Variants in PDZRN3 observed in about 807,000 individuals in gnomAD.
The protein encoded by PDZRN3 is E3 ubiquitin-protein ligase PDZRN3.
In PDZRN3, 38 loss-of-function variants were observed where a neutral mutation model predicts 85.7. The ratio of observed to expected loss-of-function variants is 0.44; its 90% confidence interval spans 0.34 to 0.58. The LOEUF is 0.58. PDZRN3 is among the 20% of genes least tolerant of loss of function. PDZRN3 has a pLI of 0.01. For synonymous variants in PDZRN3, 759 were observed against 638.0 expected, an observed-to-expected ratio of 1.19 and a Z score of -2.86; for missense variants, 1,629 against 1,506.4, an observed-to-expected ratio of 1.08 and a Z score of -1.35.
chr3:73,622,815 T>C (rs1702888572), intron 1 of PDZRN3, among the ~76,000 whole-genome samples: 1 of 152,198 alleles, frequency 6.6e-6, no homozygotes, highest in African/African-American at 2.4e-5. Context: ...ACATAGGTAA[T>C]GCATGTAAAG....
intron 3 of PDZRN3, among the ~76,000 whole-genome samples, chr3:73,486,954 A>G (rs1250173977): frequency 6.6e-6 from 1 of 152,202 alleles, no homozygotes; most frequent in Non-Finnish European, 1.5e-5. Flanking sequence ...TCTAGTTAAA[A>G]TGTCTTTTTG....
chr3:73,547,195 G>A (rs1320531222), intron 3 of PDZRN3, among the ~76,000 whole-genome samples: 5 of 152,298 alleles, frequency 3.3e-5, no homozygotes, highest in South Asian at 2.1e-4. Context: ...CTCCCTAGCC[G>A]AACTCTGGAA....
intron 3 of PDZRN3, among the ~76,000 whole-genome samples, chr3:73,484,416 A>C (rs1299099983): frequency 6.6e-6 from 1 of 151,900 alleles, no homozygotes; most frequent in African/African-American, 2.4e-5. Context: ...TTTCCAATGG[A>C]GGGGGGTGGT....
rs182602664 is a variant in PDZRN3 at position 73,533,687 on chromosome 3, G to T, written c.918+68667C>A. Among the ~76,000 whole-genome samples, 7 of 152,268 alleles carry T rather than the reference G, an allele frequency of 4.6e-5. No homozygotes were observed. The East Asian group carries it at 1.4e-3, about 29-fold the overall frequency. ...GAAGTCATCAGTTGCCCCTGCATTT[G>T]AAGTGGGAGGGTCTTACAAGGTGTA... On this transcript the variant is annotated intron_variant, in intron 3 of 9. Transcript: ENST00000263666.
chr3:73,596,426 T>G (rs2106887643), intron 3 of PDZRN3, among the ~76,000 whole-genome samples: 1 of 152,206 alleles, frequency 6.6e-6, no homozygotes, highest in Non-Finnish European at 1.5e-5. Flanking sequence ...TTACATAGCC[T>G]CAAAGCATCT....
At chr3:73,467,114 G>C (rs1359846669) in intron 3 of PDZRN3, among the ~76,000 whole-genome samples, 1 of 152,152 alleles carries the variant, frequency 6.6e-6, no homozygotes. Context: ...GATGGTGCAG[G>C]AAATGGAGAT....
In PDZRN3 at chr3:73,382,969, C is replaced by T. The variant is rs951685246; in HGVS notation, c.*396G>A. 2 of 165,386 alleles carry T rather than the reference C, an allele frequency of 1.2e-5. No homozygotes were observed. Among genetic ancestry groups the T allele is most frequent in the Admixed American group, 1.1e-4 (2 of 17,530 alleles). 10.2% of individuals were successfully genotyped at this position (165,386 alleles called of 1,614,324 possible). ...AATAGGGTTCCATTAAAAATACATA[C>T]TGGCAGTTGTATTTGTGTTTTAGGC... On this transcript the variant is annotated 3_prime_UTR_variant, in exon 10 of 10. Coordinates refer to ENST00000263666, the MANE Select transcript of PDZRN3 (RefSeq NM_015009.3).
At position 73,624,262 on chromosome 3, in the gene PDZRN3, C is replaced by T. The variant is rs756661562; in HGVS notation, c.564G>A (p.Ala188=). 2.2e-5 allele frequency: 32 copies of T among 1,435,272 alleles called. No individual in the cohort carries two copies. In the African/African-American group the frequency reaches 3.3e-4, roughly 15 times the overall value. The allele number at this position is 1,435,272 out of a possible 1,614,324, so 88.9% of individuals were successfully genotyped here. A position where few individuals can be genotyped will look rare whatever the true frequency, so the allele number is the denominator to read the frequency against. The stretch of plus-strand genomic sequence containing the variant: ...ACTTCTCGCGCTTCCCAGCGCGCAG[C>T]GCCTCCTTCTTGAGCGCCTTGTGCA... ...GALHKALKKE[A]LRAGKREKSL... The change falls in exon 1 of 10, where the codon GCG becomes GCA. Residue 188 remains alanine, a synonymous_variant. Coordinates refer to ENST00000263666, the MANE Select transcript of PDZRN3 (RefSeq NM_015009.3).
chr3:73,619,841 C>T (rs755703705), intron 1 of PDZRN3, among the ~76,000 whole-genome samples: 1 of 152,086 alleles, frequency 6.6e-6, no homozygotes, highest in Non-Finnish European at 1.5e-5. Context: ...GAGATTAATT[C>T]CTGATGCTAG....
At position 73,382,822 on chromosome 3, in the gene PDZRN3, T is replaced by G. The variant is rs933207204; in HGVS notation, c.*543A>C. On this transcript the variant is annotated 3_prime_UTR_variant, in exon 10 of 10. Coordinates refer to ENST00000263666, the MANE Select transcript of PDZRN3 (RefSeq NM_015009.3). ...TATCCCAACTCTAAACGCTGCCGGTTTGGTTATATGTATTAAATCGTTAAC... is the reference window on the plus strand; with the variant it reads ...TATCCCAACTCTAAACGCTGCCGGTGTGGTTATATGTATTAAATCGTTAAC... 6.5e-6 allele frequency: 1 copy of G among 152,970 alleles called. No individual in the cohort carries two copies. The highest frequency in any genetic ancestry group is 1.5e-5 in the Non-Finnish European group (1 of 68,268). The allele number at this position is 152,970 out of a possible 1,614,324, so 9.5% of individuals were successfully genotyped here. A position where few individuals can be genotyped will look rare whatever the true frequency, so the allele number is the denominator to read the frequency against.
intron 3 of PDZRN3, among the ~76,000 whole-genome samples, chr3:73,478,906 C>G (rs1417587166): frequency 6.6e-6 from 1 of 152,128 alleles, no homozygotes; most frequent in Non-Finnish European, 1.5e-5. Flanking sequence ...ACATTTTGGC[C>G]AAGTCTTACA....
At chr3:73,557,980 G>GTATAGAATTTCACTTTGTCACA (rs1406496907) in intron 3 of PDZRN3, among the ~76,000 whole-genome samples, 2 of 152,018 alleles carry the variant, frequency 1.3e-5, no homozygotes, top group Admixed American at 6.6e-5. Context: ...TATCTTTGGG[G>GTATAGAATTTCACTTTGTCACA]TATAGAATTT....
intron 6 of PDZRN3, among the ~76,000 whole-genome samples, chr3:73,390,609 T>C (rs902129194): frequency 4.0e-5 from 6 of 150,862 alleles, no homozygotes; most frequent in Non-Finnish European, 5.9e-5. Flanking sequence ...AAGTCAACTA[T>C]ATATACTCCA....
rs775693371 is a variant in PDZRN3, at chr3:73,384,922, G to A, written c.1644C>T (p.His548=). The A allele has an allele frequency of 1.9e-5, 30 of 1,598,156 alleles. No homozygotes were observed. The highest frequency in any genetic ancestry group is 2.4e-5 in the Non-Finnish European group (28 of 1,171,168). ...FTASVLQQKK[H]DEDGGTTDTA... ...TATCTGTGGTCCCACCGTCTTCGTCGTGCTTCTTCTGCATAAACACAAGAA... is the reference window on the plus strand; with the variant it reads ...TATCTGTGGTCCCACCGTCTTCGTCATGCTTCTTCTGCATAAACACAAGAA... The change falls in exon 10 of 10, where the codon CAC becomes CAT. Residue 548 remains histidine (H), a synonymous_variant. Coordinates refer to ENST00000263666, the MANE Select transcript of PDZRN3 (RefSeq NM_015009.3).
intron 3 of PDZRN3, among the ~76,000 whole-genome samples, chr3:73,564,593 T>C (rs1016576235): frequency 4.6e-5 from 7 of 152,334 alleles, no homozygotes; most frequent in Non-Finnish European, 8.8e-5. Context: ...GCTCACTGGA[T>C]GGTCCAATCC....
chr3:73,444,946 G>A (rs1702719272), intron 3 of PDZRN3, among the ~76,000 whole-genome samples: 1 of 152,178 alleles, frequency 6.6e-6, no homozygotes, highest in Non-Finnish European at 1.5e-5. Flanking sequence ...GCCTAGGGAA[G>A]GTGAGTCCAC....
chr3:73,502,033 GAAATA>G (rs60599746), intron 3 of PDZRN3, among the ~76,000 whole-genome samples: 42,293 of 151,646 alleles, frequency 0.28, 8,446 homozygotes, highest in African/African-American at 0.57. Context: ...TAAATGAAAT[GAAATA>G]AAATAAAATA....
intron 7 of PDZRN3, among the ~76,000 whole-genome samples, chr3:73,389,160 G>T (rs1466552579): frequency 6.6e-6 from 1 of 152,038 alleles, no homozygotes; most frequent in Non-Finnish European, 1.5e-5. Context: ...ATACGGATGA[G>T]AAGAGGTAGA....
chr3:73,612,403 G>T (rs969172811), intron 1 of PDZRN3, among the ~76,000 whole-genome samples: 6 of 152,142 alleles, frequency 3.9e-5, no homozygotes, highest in Non-Finnish European at 7.4e-5. Context: ...TGGCATGAAG[G>T]ATCAGACAAT....
Sources: allele counts gnomAD v4.1 joint callset (sites outside exome capture counted in the v4.1 genomes callset), GRCh38; gene constraint gnomAD v4.1.1; transcripts MANE v1.5; gene names NCBI Gene and HGNC (gene_info 2026-07-23, HGNC 2026-07-21).